Variants in MRAP2 observed in about 807,000 individuals in gnomAD.
MRAP2 encodes the protein melanocortin-2 receptor accessory protein 2.
In MRAP2, 20 loss-of-function variants were observed where a neutral mutation model predicts 17.4. The observed-to-expected ratio is 1.15, with a 90% CI of 0.81 to 1.67. The LOEUF (loss-of-function observed/expected upper bound fraction) is 1.67, where lower values mean the gene tolerates loss of function less well. MRAP2 is among the 40% of genes most tolerant of loss of function. The pLI is 0.00. For missense variants in MRAP2, 238 were observed against 240.0 expected, an observed-to-expected ratio of 0.99 and a Z score of 0.05; for synonymous variants, 96 against 88.4, an observed-to-expected ratio of 1.09 and a Z score of -0.48.
intron 3 of MRAP2, among the ~76,000 whole-genome samples, chr6:84,085,054 C>T (rs529758836): frequency 1.3e-5 from 2 of 151,010 alleles, no homozygotes; most frequent in Non-Finnish European, 2.9e-5. Context: ...CCCATTAACT[C>T]ATCATTTTTT....
chr6:84,071,295 C>G (rs1350314857), intron 3 of MRAP2, among the ~76,000 whole-genome samples: 1 of 152,158 alleles, frequency 6.6e-6, no homozygotes, highest in Non-Finnish European at 1.5e-5. Context: ...ATTCTCTCAG[C>G]ATTTGTTTGT....
chr6:84,079,882 A>G (rs2099498525), intron 3 of MRAP2, among the ~76,000 whole-genome samples: 1 of 152,178 alleles, frequency 6.6e-6, no homozygotes, highest in Non-Finnish European at 1.5e-5. Context: ...TCCTTGTAGA[A>G]GTATTTTTTT....
chr6:84,119,681 G>A, the MRAP2 span, among the ~76,000 whole-genome samples: 15 of 152,238 alleles, frequency 9.9e-5, no homozygotes, highest in East Asian at 1.5e-3. Context: ...GTCATACACA[G>A]AATCACTAAA....
intron 3 of MRAP2, among the ~76,000 whole-genome samples, chr6:84,086,586 T>C (rs532732033): frequency 1.3e-4 from 20 of 152,346 alleles, no homozygotes; most frequent in African/African-American, 4.6e-4. Context: ...GTTTAATATT[T>C]ACTGGACTCT....
At chr6:84,062,089 C>A in intron 2 of MRAP2, 1 of 985,430 alleles carries the variant, frequency 1.0e-6, no homozygotes, top group Non-Finnish European at 1.2e-6. Context: ...AAAGTTGCTA[C>A]CTAATTGAGA....
At chr6:84,101,527 C>T in the MRAP2 span, among the ~76,000 whole-genome samples, 2 of 152,192 alleles carry the variant, frequency 1.3e-5, no homozygotes, top group African/African-American at 4.8e-5. Flanking sequence ...TTTAAGGCTT[C>T]AGGACAGTTA....
chr6:84,101,040 T>A, the MRAP2 span, among the ~76,000 whole-genome samples: 6 of 152,198 alleles, frequency 3.9e-5, no homozygotes, highest in Non-Finnish European at 8.8e-5. Flanking sequence ...GATTATTATT[T>A]TCCAAATATC....
chr6:84,063,509 T>G, intron 3 of MRAP2: 1 of 788,846 alleles, frequency 1.3e-6, no homozygotes, highest in Non-Finnish European at 1.5e-6. Context: ...AACACTGTGG[T>G]TTACATAATT....
the MRAP2 span, among the ~76,000 whole-genome samples, chr6:84,121,061 A>C: frequency 6.7e-6 from 1 of 149,748 alleles, no homozygotes; most frequent in East Asian, 1.9e-4. Flanking sequence ...CTTGCTTTTT[A>C]CCTTTTTATT....
chr6:84,092,627 T>C (rs947534249), downstream of MRAP2, among the ~76,000 whole-genome samples: 2 of 152,150 alleles, frequency 1.3e-5, no homozygotes, highest in Non-Finnish European at 2.9e-5. Flanking sequence ...TAGTTACTAA[T>C]AGTTGTCTTT....
At chr6:84,061,926 A>G in intron 2 of MRAP2, 2 of 985,422 alleles carry the variant, frequency 2.0e-6, no homozygotes, top group African/African-American at 1.7e-5. Context: ...TGAAAGAGCA[A>G]TATCATCAGG....
intron 3 of MRAP2, among the ~76,000 whole-genome samples, chr6:84,073,023 CTTGG>C (rs1489087360): frequency 6.6e-6 from 1 of 152,190 alleles, no homozygotes; most frequent in African/African-American, 2.4e-5. Context: ...AAGAAAAGGG[CTTGG>C]TTCATTCCCC....
chr6:84,079,767 G>A (rs963445515), intron 3 of MRAP2, among the ~76,000 whole-genome samples: 1 of 152,216 alleles, frequency 6.6e-6, no homozygotes, highest in Non-Finnish European at 1.5e-5. Context: ...GAAAGGAAAA[G>A]TGAGGAGGAT....
chr6:84,133,863 C>A, the MRAP2 span, among the ~76,000 whole-genome samples: 2 of 152,158 alleles, frequency 1.3e-5, no homozygotes, highest in Non-Finnish European at 2.9e-5. Context: ...TTGGGCTGTA[C>A]CCACTGTCCA....
intron 3 of MRAP2, among the ~76,000 whole-genome samples, chr6:84,069,640 A>G (rs541804624): frequency 1.8e-4 from 27 of 152,128 alleles, no homozygotes; most frequent in African/African-American, 6.3e-4. Flanking sequence ...TTCTTTCTCT[A>G]TCTTGTGGAA....
At chr6:84,068,000 T>G (rs1174986438) in intron 3 of MRAP2, among the ~76,000 whole-genome samples, 1 of 152,226 alleles carries the variant, frequency 6.6e-6, no homozygotes, top group African/African-American at 2.4e-5. Flanking sequence ...CAATGTTATC[T>G]TCTAGAATTT....
intron 1 of MRAP2, among the ~76,000 whole-genome samples, chr6:84,043,515 G>C (rs1011183326): frequency 6.6e-6 from 1 of 152,150 alleles, no homozygotes; most frequent in South Asian, 2.1e-4. Context: ...ATGGGCAAAA[G>C]CTCAGAGGAC....
At chr6:84,047,891 CT>C (rs2099489450) in intron 1 of MRAP2, among the ~76,000 whole-genome samples, 2 of 152,214 alleles carry the variant, frequency 1.3e-5, no homozygotes, top group African/African-American at 4.8e-5. Context: ...CCCTTTGTAA[CT>C]GGCTTATTTC....
In MRAP2 at chr6:84,048,595, A is replaced by C. The variant is rs75392279; in HGVS notation, c.-7-6717A>C. ...TGCCTTTCCTGTGATGGGGAACCCAACTCAACCATGATAGCATGTTGTGGT... is the reference window on the plus strand; with the variant it reads ...TGCCTTTCCTGTGATGGGGAACCCACCTCAACCATGATAGCATGTTGTGGT... On this transcript the variant is annotated intron_variant, in intron 1 of 3. Transcript: ENST00000257776. Among the ~76,000 whole-genome samples, 949 of 152,320 alleles carry C rather than the reference A, an allele frequency of 6.2e-3. 18 individuals are homozygous for C. The East Asian group carries it at 0.065, about 10-fold the overall frequency.
Sources: allele counts gnomAD v4.1 joint callset (sites outside exome capture counted in the v4.1 genomes callset), GRCh38; gene constraint gnomAD v4.1.1; transcripts MANE v1.5; gene names NCBI Gene and HGNC (gene_info 2026-07-23, HGNC 2026-07-21).